Variants in PTPN13 observed in about 807,000 individuals in gnomAD.
PTPN13 encodes the protein protein tyrosine phosphatase non-receptor type 13.
In PTPN13, 191 loss-of-function variants were observed where a neutral mutation model predicts 284.0. The observed-to-expected ratio is 0.67, with a 90% CI of 0.60 to 0.76. PTPN13 has a LOEUF of 0.76. Ranked by LOEUF, PTPN13 falls within the 30% of genes least tolerant of loss-of-function variation. PTPN13 has a pLI of 0.00. For missense variants in PTPN13, 2,797 were observed against 2,939.9 expected, an observed-to-expected ratio of 0.95 and a Z score of 1.12; for synonymous variants, 986 against 1,022.3, an observed-to-expected ratio of 0.96 and a Z score of 0.68.
chr4:86,683,065 C>T (rs1729069959), intron 3 of PTPN13, among the ~76,000 whole-genome samples: 1 of 151,946 alleles, frequency 6.6e-6, no homozygotes. Context: ...TGTCATTTTG[C>T]ATATTTTATT....
intron 1 of PTPN13, among the ~76,000 whole-genome samples, chr4:86,603,998 GTTA>G (rs138335821): frequency 0.01 from 1,572 of 152,046 alleles, 20 homozygotes; most frequent in African/African-American, 0.036. Context: ...ACTAAATTGA[GTTA>G]TTGTTAACCT....
At chr4:86,595,704 A>AGAAAATGGGGCAATC in intron 1 of PTPN13, 1 of 984,992 alleles carries the variant, frequency 1.0e-6, no homozygotes, top group Non-Finnish European at 1.2e-6. Context: ...GCTCCCTCGC[A>AGAAAATGGGGCAATC]GAAAATGGGG....
intron 2 of PTPN13, among the ~76,000 whole-genome samples, chr4:86,662,603 T>C (rs981746932): frequency 3.3e-5 from 5 of 152,228 alleles, no homozygotes; most frequent in African/African-American, 1.2e-4. Flanking sequence ...GTGCTGGGAT[T>C]ACAGGCATGA....
At chr4:86,686,109 C>T (rs1265155109) in intron 3 of PTPN13, among the ~76,000 whole-genome samples, 1 of 151,976 alleles carries the variant, frequency 6.6e-6, no homozygotes, top group Non-Finnish European at 1.5e-5. Context: ...CGCCTATAAT[C>T]CCAGCACTTT....
chr4:86,666,333 A>T (rs1036841407), intron 2 of PTPN13, among the ~76,000 whole-genome samples: 1 of 152,170 alleles, frequency 6.6e-6, no homozygotes, highest in Non-Finnish European at 1.5e-5. Flanking sequence ...GGACACACAT[A>T]AGGAGTGAGT....
chr4:86,809,567 G>C (rs551305064), intron 45 of PTPN13, among the ~76,000 whole-genome samples: 1 of 152,220 alleles, frequency 6.6e-6, no homozygotes, highest in South Asian at 2.1e-4. Flanking sequence ...GTGTGGCAAT[G>C]TGCGCCTGTA....
chr4:86,733,829 ATTCC>A (rs1735210293), intron 12 of PTPN13, among the ~76,000 whole-genome samples: 1 of 152,156 alleles, frequency 6.6e-6, no homozygotes, highest in African/African-American at 2.4e-5. Flanking sequence ...GATAAATGTC[ATTCC>A]TTCTAGGTTT....
intron 2 of PTPN13, among the ~76,000 whole-genome samples, chr4:86,666,230 G>T (rs552780592): frequency 1.4e-4 from 22 of 152,244 alleles, no homozygotes; most frequent in African/African-American, 5.3e-4. Context: ...ACTATAAAAA[G>T]AATGAAATGA....
chr4:86,735,734 A>G lies in PTPN13; in HGVS notation c.2292A>G (p.Leu764=), dbSNP rs1165261772. Residue 764 remains leucine (L), a synonymous_variant, in exon 15 of 48, where the codon TTA becomes TTG. Coordinates refer to ENST00000411767, the MANE Select transcript of PTPN13 (RefSeq NM_080683.3). ...YVGASEKETE[L]EFLKVCQRLT... The stretch of plus-strand genomic sequence containing the variant: ...GAGCTTCTGAAAAAGAGACAGAGTT[A>G]GAATTTTTAAAGGTAAGCATCCAAG... 6.2e-7 allele frequency: 1 copy of G among 1,608,858 alleles called. No homozygotes were observed. Among genetic ancestry groups the G allele is most frequent in the Non-Finnish European group, 8.5e-7 (1 of 1,178,562 alleles).
chr4:86,722,443 ATT>A lies in PTPN13; in HGVS notation c.1608+10_1608+11del. ...CTCAAAGAAAACTGAGGGTAAGTTG[ATT>A]CTCAGGTTACTACACATCTAAACCT... On this transcript the variant is annotated intron_variant, in intron 10 of 47. Coordinates refer to ENST00000411767, the MANE Select transcript of PTPN13 (RefSeq NM_080683.3). 6.2e-7 allele frequency: 1 copy of A among 1,601,772 alleles called. No individual in the cohort carries two copies. The highest frequency in any genetic ancestry group is 8.6e-7 in the Non-Finnish European group (1 of 1,168,912).
At chr4:86,751,953 A>G (rs1737438418) in intron 19 of PTPN13, among the ~76,000 whole-genome samples, 1 of 151,814 alleles carries the variant, frequency 6.6e-6, no homozygotes, top group Non-Finnish European at 1.5e-5. Context: ...GTGCATGCAC[A>G]TGTGCATATA....
chr4:86,631,791 A>G (rs748909572), intron 1 of PTPN13, among the ~76,000 whole-genome samples: 1 of 152,090 alleles, frequency 6.6e-6, no homozygotes, highest in African/African-American at 2.4e-5. Flanking sequence ...AAAAAATTCT[A>G]TTGTGTGAGA....
At chr4:86,706,467 G>T (rs553707499) in intron 7 of PTPN13, among the ~76,000 whole-genome samples, 10 of 152,272 alleles carry the variant, frequency 6.6e-5, no homozygotes, top group Non-Finnish European at 7.4e-5. Flanking sequence ...GGCACTTTTG[G>T]TTTTTTCTGT....
chr4:86,780,956 C>CAG (rs34873442), intron 36 of PTPN13, among the ~76,000 whole-genome samples: 15,756 of 152,138 alleles, frequency 0.1, 966 homozygotes, highest in African/African-American at 0.12. Flanking sequence ...GTGGGACAAA[C>CAG]GGGAAGGAAG....
chr4:86,765,304 T>C (rs1739174688), intron 25 of PTPN13, 91 bp from the exon 26 acceptor site: 2 of 875,488 alleles, frequency 2.3e-6, no homozygotes, highest in Non-Finnish European at 3.7e-6. Context: ...TGTCACTGCT[T>C]TGGCTAATGA....
At position 86,600,614 on chromosome 4, in the gene PTPN13, T is replaced by G. The variant is rs145581096; in HGVS notation, c.-6+5825T>G. ...TCTGTGGAACAAAAATGAAACATTC[T>G]TGTTGAACTTAAGGTTAGAATGATT... On this transcript the variant is annotated intron_variant, in intron 1 of 47. Transcript: ENST00000411767. Among the ~76,000 whole-genome samples, 510 of 152,008 alleles carry G rather than the reference T, an allele frequency of 3.4e-3. 1 individual carries two copies. The highest frequency in any genetic ancestry group is 0.012 in the African/African-American group (493 of 41,512).
At chr4:86,754,522 A>G (rs1737757769) in intron 20 of PTPN13, among the ~76,000 whole-genome samples, 1 of 152,050 alleles carries the variant, frequency 6.6e-6, no homozygotes, top group Non-Finnish European at 1.5e-5. Context: ...AAACCAAAGC[A>G]TAGAGAGTTA....
chr4:86,675,623 G>GA (rs549982824), intron 3 of PTPN13, among the ~76,000 whole-genome samples: 31 of 152,024 alleles, frequency 2.0e-4, no homozygotes, highest in Non-Finnish European at 4.1e-4. Flanking sequence ...ATGTTTGTAT[G>GA]AAAAAACTCC....
chr4:86,635,476 C>A, intron 2 of PTPN13, 105 bp downstream of exon 2: 1 of 1,467,398 alleles, frequency 6.8e-7, no homozygotes, highest in African/African-American at 1.4e-5. Context: ...TATTCCTGTG[C>A]CTTTGGCAGA....
Sources: allele counts gnomAD v4.1 joint callset (sites outside exome capture counted in the v4.1 genomes callset), GRCh38; gene constraint gnomAD v4.1.1; transcripts MANE v1.5; gene names NCBI Gene and HGNC (gene_info 2026-07-23, HGNC 2026-07-21).